SLC2A9: variants seen among roughly 807,000 people sequenced by gnomAD.
SLC2A9 encodes solute carrier family 2 member 9.
In SLC2A9, 39 loss-of-function variants were observed where a neutral mutation model predicts 50.6. The ratio of observed to expected loss-of-function variants is 0.77; its 90% CI spans 0.60 to 1.01. The LOEUF (loss-of-function observed/expected upper bound fraction) is 1.01, where lower values mean the gene tolerates loss of function less well. Among genes scored for constraint, SLC2A9 ranks in the 50% least tolerant of loss-of-function variants. SLC2A9 has a pLI of 0.00. For synonymous variants in SLC2A9, 324 were observed against 276.9 expected, an observed-to-expected ratio of 1.17 and a Z score of -1.69; for missense variants, 686 against 677.6, an observed-to-expected ratio of 1.01 and a Z score of -0.14.
At chr4:9,835,545 A>G (rs1726910554) in intron 10 of SLC2A9, among the ~76,000 whole-genome samples, 2 of 152,264 alleles carry the variant, frequency 1.3e-5, no homozygotes, top group South Asian at 2.1e-4. Flanking sequence ...CTAGAGAGAC[A>G]GTGAACACAA....
chr4:9,783,658 A>G (rs191141694), intron 3 of SLC2A9: 4 of 610,542 alleles, frequency 6.6e-6, no homozygotes, highest in South Asian at 4.4e-5. Context: ...CAATAAACTC[A>G]GTCAAATGTA....
chr4:9,831,658 GGAGCCAGGACATAGCTT>G (rs1726170093), intron 11 of SLC2A9, among the ~76,000 whole-genome samples: 2 of 152,220 alleles, frequency 1.3e-5, no homozygotes. Context: ...TGGAAAGAGG[GGAGCCAGGACATAGCTT>G]GAGTTCTGGT....
intron 6 of SLC2A9, among the ~76,000 whole-genome samples, chr4:9,937,393 C>A (rs1357655652): frequency 2.6e-5 from 4 of 152,160 alleles, no homozygotes; most frequent in Non-Finnish European, 1.5e-5. Context: ...CAAGTTCTCT[C>A]TAGCCAGGGA....
intron 7 of SLC2A9, among the ~76,000 whole-genome samples, chr4:9,910,376 T>A (rs543758345): frequency 6.6e-6 from 1 of 152,332 alleles, no homozygotes; most frequent in Non-Finnish European, 1.5e-5. Context: ...AAACTCTATG[T>A]CCATTGAATA....
chr4:9,832,533 C>G (rs1295508909), intron 11 of SLC2A9, among the ~76,000 whole-genome samples: 1 of 152,180 alleles, frequency 6.6e-6, no homozygotes, highest in African/African-American at 2.4e-5. Flanking sequence ...TCCCGAATGA[C>G]CCCTGAAAAC....
chr4:9,997,660 A>G (rs1279626551), intron 2 of SLC2A9, among the ~76,000 whole-genome samples: 2 of 152,064 alleles, frequency 1.3e-5, no homozygotes, highest in African/African-American at 4.8e-5. Context: ...AGATTGCGCC[A>G]TTGCACTCCA....
chr4:9,827,081 A>G (rs936761918), intron 11 of SLC2A9, among the ~76,000 whole-genome samples: 1 of 152,232 alleles, frequency 6.6e-6, no homozygotes, highest in African/African-American at 2.4e-5. Context: ...GATCTAACTC[A>G]CTAATTGATA....
At chr4:9,814,505 A>G (rs993480020) in intron 3 of SLC2A9, among the ~76,000 whole-genome samples, 9 of 152,352 alleles carry the variant, frequency 5.9e-5, no homozygotes, top group African/African-American at 1.9e-4. Flanking sequence ...AAACCATGCC[A>G]AAAGTTGGTG....
chr4:9,850,349 A>G (rs1264291608), intron 10 of SLC2A9, among the ~76,000 whole-genome samples: 1 of 152,148 alleles, frequency 6.6e-6, no homozygotes, highest in Non-Finnish European at 1.5e-5. Context: ...GTGTGGGAAC[A>G]TCTGCAGTGA....
intron 6 of SLC2A9, among the ~76,000 whole-genome samples, chr4:9,933,796 C>T (rs961594716): frequency 3.3e-5 from 5 of 152,250 alleles, no homozygotes; most frequent in Admixed American, 6.5e-5. Context: ...AGGGAGAATC[C>T]GCCTGCTTGT....
At chr4:10,031,195 A>T (rs536694566) in intron 1 of SLC2A9, among the ~76,000 whole-genome samples, 3 of 152,316 alleles carry the variant, frequency 2.0e-5, no homozygotes, top group Non-Finnish European at 1.5e-5. Context: ...CACCCATGCC[A>T]TTTCCTCCCT....
In SLC2A9 at chr4:9,996,725, A is replaced by G; in HGVS notation, c.410+56T>C. The G allele has an allele frequency of 1.9e-6, 3 of 1,598,190 alleles. No homozygotes were observed. The South Asian group carries it at 3.4e-5, about 18-fold the overall frequency. ...TGCCTGTCAGGACCCTGACAATGACACAGATATATTATGAACATGGAGGGC... is the reference window on the plus strand; with the variant it reads ...TGCCTGTCAGGACCCTGACAATGACGCAGATATATTATGAACATGGAGGGC... On this transcript the variant is annotated intron_variant, in intron 3 of 11. Transcript: ENST00000264784.
At chr4:9,911,483 A>G (rs147528810) in intron 7 of SLC2A9, among the ~76,000 whole-genome samples, 276 of 152,320 alleles carry the variant, frequency 1.8e-3, no homozygotes, top group African/African-American at 6.3e-3. Context: ...TTAAGAGTGC[A>G]TCCTGCCCCG....
intron 5 of SLC2A9, among the ~76,000 whole-genome samples, chr4:9,964,391 T>C (rs1022539785): frequency 1.3e-5 from 2 of 152,202 alleles, no homozygotes; most frequent in Non-Finnish European, 2.9e-5. Context: ...GCAGGAAGAA[T>C]GCAAAGGTGA....
chr4:9,938,270 ATTTTTTTTTT>A (rs35270015), intron 6 of SLC2A9, among the ~76,000 whole-genome samples: 88 of 118,206 alleles, frequency 7.4e-4, no homozygotes, highest in Admixed American at 2.9e-3. Flanking sequence ...ATCTTTTGCT[ATTTTTTTTTT>A]TTTTTTTTTG....
intron 6 of SLC2A9, among the ~76,000 whole-genome samples, chr4:9,937,556 C>T (rs1470994986): frequency 3.9e-5 from 6 of 152,178 alleles, no homozygotes; most frequent in Non-Finnish European, 5.9e-5. Flanking sequence ...CAGCAGAGAC[C>T]GAGAGAAGAC....
intron 10 of SLC2A9, among the ~76,000 whole-genome samples, chr4:9,852,951 G>A (rs932558896): frequency 6.6e-6 from 1 of 152,278 alleles, no homozygotes; most frequent in South Asian, 2.1e-4. Context: ...AGCACTTTGG[G>A]AGGCCAAGGT....
In SLC2A9 at chr4:10,011,411, T is replaced by A. The variant is rs545092183; in HGVS notation, c.249+7564A>T. 2.2e-4 allele frequency among the ~76,000 whole-genome samples: 34 copies of A among 152,300 alleles called. No homozygotes were observed. The South Asian group carries it at 7.1e-3, about 32-fold the overall frequency. On this transcript the variant is annotated intron_variant, in intron 2 of 11. Coordinates refer to ENST00000264784, the MANE Select transcript of SLC2A9 (RefSeq NM_020041.3). ...ATTCTAGACACTGGGTGCTCACAGGTACCAAGAGGACATCTTTCAGCACAA... is the reference window on the plus strand; with the variant it reads ...ATTCTAGACACTGGGTGCTCACAGGAACCAAGAGGACATCTTTCAGCACAA...
chr4:9,921,187 C>T (rs1188123714), intron 6 of SLC2A9, among the ~76,000 whole-genome samples: 1 of 152,200 alleles, frequency 6.6e-6, no homozygotes, highest in African/African-American at 2.4e-5. Context: ...TACAAGAAAA[C>T]TTGAGTGGAA....
Sources: gnomAD v4.1 joint callset for allele counts (sites outside exome capture counted in the v4.1 genomes callset) on GRCh38, gnomAD v4.1.1 for gene constraint, MANE v1.5 for transcripts, NCBI Gene and HGNC (gene_info 2026-07-23, HGNC 2026-07-21) for gene names.